TRIM37: variants seen among roughly 807,000 people sequenced by gnomAD.
TRIM37 encodes tripartite motif containing 37.
A neutral mutation model predicts 129.8 loss-of-function variants in TRIM37; 80 were observed. That is an observed-to-expected ratio of 0.62 (90% CI 0.51 to 0.74). The LOEUF (loss-of-function observed/expected upper bound fraction) is 0.74. TRIM37 is among the 30% of genes least tolerant of loss of function. TRIM37 has a pLI of 0.00. For synonymous variants in TRIM37, 389 were observed against 387.1 expected (o/e 1.00, Z -0.06); for missense variants, 1,054 against 1,176.5 (o/e 0.90, Z 1.52).
chr17:59,016,091 T>C (rs1241223800), intron 20 of TRIM37, among the ~76,000 whole-genome samples: 1 of 152,062 alleles, frequency 6.6e-6, no homozygotes, highest in African/African-American at 2.4e-5. Context: ...ATTTTAAAAC[T>C]ACATAAAAAC....
Position 59,037,557 on chromosome 17 carries a change from C to CAAAA in TRIM37, c.1753+4252_1753+4255dup, listed in dbSNP as rs58856834. On this transcript the variant is annotated intron_variant, in intron 17 of 23. Coordinates refer to ENST00000262294, the MANE Select transcript of TRIM37 (RefSeq NM_015294.6). ...CGGGCAACAGAGCAAGACTCTGTCT[C>CAAAA]AAAAAAAAAAAAAAAAAAAAAAAAA... Among the ~76,000 whole-genome samples, 154 of 73,996 alleles carry CAAAA rather than the reference C, an allele frequency of 2.1e-3. 1 individual carries two copies. The highest frequency in any genetic ancestry group is 6.0e-3 in the African/African-American group (119 of 19,772). 48.5% of individuals were successfully genotyped at this position (73,996 alleles called of 152,430 possible).
chr17:59,096,563 CAAA>C (rs71145522), intron 2 of TRIM37, among the ~76,000 whole-genome samples: 1 of 113,962 alleles, frequency 8.8e-6, no homozygotes, highest in Non-Finnish European at 1.8e-5. Flanking sequence ...AAAAAAAAAA[CAAA>C]AAAAAAAAAA....
At chr17:59,102,500 A>T (rs1032689123) in intron 2 of TRIM37, among the ~76,000 whole-genome samples, 1 of 152,224 alleles carries the variant, frequency 6.6e-6, no homozygotes, top group African/African-American at 2.4e-5. Flanking sequence ...TTGCTATTTT[A>T]ACAATAAAAT....
intron 8 of TRIM37, among the ~76,000 whole-genome samples, chr17:59,071,771 G>T (rs1287932879): frequency 3.3e-5 from 5 of 152,004 alleles, no homozygotes; most frequent in Non-Finnish European, 5.9e-5. Context: ...TAAAAGATAA[G>T]ACTACTAATT....
At position 59,057,074 on chromosome 17, in the gene TRIM37, C is replaced by G. The variant is rs765378292; in HGVS notation, c.1020-20G>C. On this transcript the variant is annotated intron_variant, in intron 12 of 23. Transcript: ENST00000262294. ...TCATATCTAAAATTGAAAAACAGAC[C>G]ATTACTATACAGTTAGTAAAGTAAG... is the stretch of plus-strand genomic sequence containing the variant. 6 of 1,606,422 alleles carry G rather than the reference C, an allele frequency of 3.7e-6. No homozygotes were observed. The South Asian group carries it at 6.6e-5, about 18-fold the overall frequency.
downstream of TRIM37, among the ~76,000 whole-genome samples, chr17:58,993,672 T>C (rs1416189566): frequency 1.3e-5 from 2 of 152,068 alleles, no homozygotes; most frequent in Non-Finnish European, 2.9e-5. Context: ...CACAGGGGAA[T>C]CTTGGGGGTG....
intron 5 of TRIM37, among the ~76,000 whole-genome samples, chr17:59,081,964 A>AAAAAAAAAAAAAAAAAAAAAATAATAAT (rs1568200247): frequency 1.1e-5 from 1 of 87,228 alleles, no homozygotes; most frequent in African/African-American, 5.1e-5. Context: ...AAAAAAAAAA[A>AAAAAAAAAAAAAAAAAAAAAATAATAAT]AATAATAATA....
chr17:59,037,557 C>CAAAAAA (rs58856834), intron 17 of TRIM37, among the ~76,000 whole-genome samples: 87 of 74,020 alleles, frequency 1.2e-3, no homozygotes, highest in Admixed American at 1.4e-3. Flanking sequence ...GACTCTGTCT[C>CAAAAAA]AAAAAAAAAA....
At chr17:59,046,398 C>T (rs2039799003) in intron 16 of TRIM37, among the ~76,000 whole-genome samples, 2 of 152,154 alleles carry the variant, frequency 1.3e-5, no homozygotes, top group African/African-American at 2.4e-5. Flanking sequence ...GAAAAGGATA[C>T]ATTATCATTT....
chr17:59,012,236 C>CCAG, intron 22 of TRIM37, 92 bp downstream of exon 22: 1 of 494,504 alleles, frequency 2.0e-6, no homozygotes, highest in Non-Finnish European at 3.3e-6. Context: ...AGCACCACCA[C>CCAG]CACCACCACC....
chr17:59,100,794 G>A (rs549626635), intron 2 of TRIM37, among the ~76,000 whole-genome samples: 2 of 152,210 alleles, frequency 1.3e-5, no homozygotes, highest in African/African-American at 4.8e-5. Context: ...AGGCTGAGGT[G>A]GGTGGATCAC....
intron 19 of TRIM37, among the ~76,000 whole-genome samples, chr17:59,026,337 A>G (rs1216677957): frequency 6.6e-6 from 1 of 152,216 alleles, no homozygotes; most frequent in Admixed American, 6.5e-5. Context: ...AGAAAGCTTC[A>G]TGACACTGGA....
Position 59,106,764 on chromosome 17 carries a change from A to T in TRIM37, c.-303T>A, listed in dbSNP as rs1050002151. On this transcript the variant is annotated 5_prime_UTR_variant, in exon 1 of 24. Transcript: ENST00000262294. Reference sequence around the variant, plus strand: ...CCGCGCCGGAACCTCGGCCCACGTGACGCGGGCGCGCGCCTATGGAACTGA... The same window carrying T: ...CCGCGCCGGAACCTCGGCCCACGTGTCGCGGGCGCGCGCCTATGGAACTGA... 5.4e-6 allele frequency: 3 copies of T among 558,690 alleles called. No homozygotes were observed. The African/African-American group carries it at 5.8e-5, about 11-fold the overall frequency. The allele number at this position is 558,690 out of a possible 1,614,324, so 34.6% of individuals were successfully genotyped here. A position where few individuals can be genotyped will look rare whatever the true frequency, so the allele number is the denominator to read the frequency against.
intron 4 of TRIM37, among the ~76,000 whole-genome samples, chr17:59,086,235 G>A (rs1257035607): frequency 6.6e-6 from 1 of 150,908 alleles, no homozygotes; most frequent in Admixed American, 6.6e-5. Context: ...ACATACTCTT[G>A]CAATTTTTTT....
chr17:59,070,743 A>C, intron 9 of TRIM37, 80 bp downstream of exon 9: 1 of 1,502,082 alleles, frequency 6.7e-7, no homozygotes, highest in Non-Finnish European at 9.1e-7. Context: ...GGCATTAAAA[A>C]AAAAAACATT....
intron 11 of TRIM37, 74 bp downstream of exon 11, chr17:59,062,493 T>A (rs1178056322): frequency 1.3e-5 from 16 of 1,213,724 alleles, no homozygotes; most frequent in Non-Finnish European, 1.9e-5. Flanking sequence ...TTCTCAGTAA[T>A]CAAATTAGTA....
intron 24 of TRIM37, among the ~76,000 whole-genome samples, chr17:58,985,851 G>A (rs778392511): frequency 1.1e-4 from 16 of 151,794 alleles, no homozygotes; most frequent in Non-Finnish European, 1.9e-4. Context: ...ACTTTATATA[G>A]AACCAAATGA....
chr17:59,053,573 T>C (rs995509932), intron 13 of TRIM37, among the ~76,000 whole-genome samples: 1 of 152,154 alleles, frequency 6.6e-6, no homozygotes, highest in African/African-American at 2.4e-5. Flanking sequence ...TTAAAAAAAA[T>C]GATGTCATAA....
intron 17 of TRIM37, among the ~76,000 whole-genome samples, chr17:59,039,350 C>CTT (rs71145516): frequency 6.9e-6 from 1 of 144,506 alleles, no homozygotes; most frequent in Non-Finnish European, 1.5e-5. Context: ...GATGGCCAGT[C>CTT]TTTTTTTTTT....
Sources: allele counts gnomAD v4.1 joint callset (sites outside exome capture counted in the v4.1 genomes callset), GRCh38; gene constraint gnomAD v4.1.1; transcripts MANE v1.5; gene names NCBI Gene and HGNC (gene_info 2026-07-23, HGNC 2026-07-21).